LPAR3: variants seen among roughly 807,000 people sequenced by gnomAD.
The protein encoded by LPAR3 is LPA receptor 3.
Under a neutral mutation model 17.8 loss-of-function variants are expected in LPAR3, and 7 were observed. The observed-to-expected ratio is 0.39, with a 90% CI of 0.22 to 0.74. The LOEUF (loss-of-function observed/expected upper bound fraction) is 0.74, where lower values mean the gene tolerates loss of function less well. Ranked by LOEUF, LPAR3 falls within the 30% of genes least tolerant of loss-of-function variation. The probability of loss-of-function intolerance (pLI) is 0.40; values close to 1 mark genes in which losing one functional copy is unlikely to be tolerated. For synonymous variants in LPAR3, 179 were observed against 179.9 expected (o/e 0.99, Z 0.04); for missense variants, 391 against 453.4 (o/e 0.86, Z 1.25).
At chr1:84,852,175 C>T (rs11161469) in intron 2 of LPAR3, among the ~76,000 whole-genome samples, 10,834 of 150,520 alleles carry the variant, frequency 0.072, 466 homozygotes, top group African/African-American at 0.11. Context: ...CTCAGCCTCC[C>T]GGGCCCAAGC....
chr1:84,836,024 T>TC (rs1659398289), intron 2 of LPAR3, among the ~76,000 whole-genome samples: 1 of 143,614 alleles, frequency 7.0e-6, no homozygotes, highest in Non-Finnish European at 1.5e-5. Context: ...TTTTTTTTTT[T>TC]TTTTTTTTTA....
chr1:84,814,752 T>G (rs550970932), intron 2 of LPAR3, among the ~76,000 whole-genome samples: 1 of 152,372 alleles, frequency 6.6e-6, no homozygotes, highest in South Asian at 2.1e-4. Context: ...TGTGGATGCT[T>G]AGTAAGCACT....
At chr1:84,851,055 G>T (rs1659697894) in intron 2 of LPAR3, among the ~76,000 whole-genome samples, 1 of 152,214 alleles carries the variant, frequency 6.6e-6, no homozygotes, top group South Asian at 2.1e-4. Flanking sequence ...CCTGGGGCAG[G>T]TTTCCATCTC....
At chr1:84,831,859 C>A (rs1659290579) in intron 2 of LPAR3, among the ~76,000 whole-genome samples, 1 of 149,148 alleles carries the variant, frequency 6.7e-6, no homozygotes, top group Admixed American at 6.7e-5. Flanking sequence ...ATACATATAT[C>A]ATACATATAT....
At chr1:84,869,178 T>G (rs1215925562) in intron 1 of LPAR3, among the ~76,000 whole-genome samples, 3 of 152,236 alleles carry the variant, frequency 2.0e-5, no homozygotes, top group Non-Finnish European at 4.4e-5. Flanking sequence ...GTCGAATTTT[T>G]AATTATATCA....
chr1:84,867,748 T>C lies in LPAR3; in HGVS notation c.-18-1610A>G, dbSNP rs191072651. Among the ~76,000 whole-genome samples, 382 of 152,256 alleles carry C rather than the reference T, an allele frequency of 2.5e-3. 5 individuals are homozygous for C. The highest frequency in any genetic ancestry group is 8.8e-3 in the African/African-American group (366 of 41,546). ...CATAATGACAAAATAAAAATTACTC[T>C]CTTTGGCAGACAGTCACCAATATTT... On this transcript the variant is annotated intron_variant, in intron 1 of 2. Coordinates refer to ENST00000370611, the MANE Select transcript of LPAR3 (RefSeq NM_012152.3).
intron 2 of LPAR3, among the ~76,000 whole-genome samples, chr1:84,828,820 C>A (rs191906114): frequency 6.6e-6 from 1 of 152,220 alleles, no homozygotes; most frequent in East Asian, 1.9e-4. Context: ...TTTAGTAACC[C>A]CTTTGAACTT....
chr1:84,813,826 G>C lies in LPAR3; in HGVS notation c.*20C>G. 1 of 1,597,008 alleles carries C rather than the reference G, an allele frequency of 6.3e-7. No individual in the cohort carries two copies. The highest frequency in any genetic ancestry group is 8.6e-7 in the Non-Finnish European group (1 of 1,166,980). ...TCTTTTCCCAGAGGAGGCCTGGGTG[G>C]GCCGAGAGGCATCCAGAGTTTAGGA... On this transcript the variant is annotated 3_prime_UTR_variant, in exon 3 of 3. Transcript: ENST00000370611.
intron 2 of LPAR3, among the ~76,000 whole-genome samples, chr1:84,816,610 C>G (rs1658937507): frequency 1.3e-5 from 2 of 152,034 alleles, no homozygotes; most frequent in Admixed American, 1.3e-4. Flanking sequence ...CCAGCCTGGC[C>G]AACATGGTGA....
At chr1:84,863,947 C>A (rs1659989323) in intron 2 of LPAR3, among the ~76,000 whole-genome samples, 1 of 152,150 alleles carries the variant, frequency 6.6e-6, no homozygotes, top group African/African-American at 2.4e-5. Context: ...TGCAGTGGCT[C>A]ACACCTGTAA....
At chr1:84,863,902 T>C (rs1659988683) in intron 2 of LPAR3, among the ~76,000 whole-genome samples, 1 of 152,126 alleles carries the variant, frequency 6.6e-6, no homozygotes, top group Non-Finnish European at 1.5e-5. Flanking sequence ...TACCCATCAG[T>C]AAATCCTTTA....
At chr1:84,884,369 T>C (rs992026557) in intron 1 of LPAR3, among the ~76,000 whole-genome samples, 4 of 152,242 alleles carry the variant, frequency 2.6e-5, no homozygotes, top group Admixed American at 6.5e-5. Flanking sequence ...GAATTAAATT[T>C]ATGTTCAAGC....
At chr1:84,881,922 C>T (rs969005783) in intron 1 of LPAR3, among the ~76,000 whole-genome samples, 2 of 152,114 alleles carry the variant, frequency 1.3e-5, no homozygotes, top group Non-Finnish European at 2.9e-5. Flanking sequence ...AGATGAGGAA[C>T]AAAGCAAGGA....
At chr1:84,854,947 T>C (rs939105730) in intron 2 of LPAR3, among the ~76,000 whole-genome samples, 3 of 152,174 alleles carry the variant, frequency 2.0e-5, no homozygotes, top group Admixed American at 2.0e-4. Context: ...CAGTATTGAT[T>C]CTTTGAGGTA....
intron 1 of LPAR3, among the ~76,000 whole-genome samples, chr1:84,881,026 A>C (rs1165801740): frequency 2.6e-5 from 4 of 152,206 alleles, no homozygotes; most frequent in African/African-American, 9.6e-5. Flanking sequence ...CTGAATGGGA[A>C]GTTTTATGGT....
chr1:84,846,333 A>G (rs1476718072), intron 2 of LPAR3, among the ~76,000 whole-genome samples: 1 of 152,176 alleles, frequency 6.6e-6, no homozygotes, highest in African/African-American at 2.4e-5. Context: ...AGAGTCTCAA[A>G]ACACAATATT....
chr1:84,859,662 TAA>T (rs1659897850), intron 2 of LPAR3, among the ~76,000 whole-genome samples: 1 of 152,212 alleles, frequency 6.6e-6, no homozygotes, highest in African/African-American at 2.4e-5. Context: ...TATGTCATTT[TAA>T]AAAGTGTTGC....
intron 2 of LPAR3, among the ~76,000 whole-genome samples, chr1:84,835,766 C>G (rs915811351): frequency 1.3e-5 from 2 of 152,156 alleles, no homozygotes; most frequent in Admixed American, 6.5e-5. Context: ...AATCACCAAA[C>G]TTCAGGTGTA....
At chr1:84,816,657 G>C (rs12061670) in intron 2 of LPAR3, among the ~76,000 whole-genome samples, 5,288 of 152,154 alleles carry the variant, frequency 0.035, 345 homozygotes, top group African/African-American at 0.12. Context: ...AATTAGCTGG[G>C]CATGGTGGCA....
Sources: gnomAD v4.1 joint callset for allele counts (sites outside exome capture counted in the v4.1 genomes callset) on GRCh38, gnomAD v4.1.1 for gene constraint, MANE v1.5 for transcripts, NCBI Gene and HGNC (gene_info 2026-07-23, HGNC 2026-07-21) for gene names.